Variants in CSMD2 observed in about 807,000 individuals in gnomAD.
The protein encoded by CSMD2 is CUB and sushi domain-containing protein 2.
In CSMD2, 130 loss-of-function variants were observed where a neutral mutation model predicts 398.5. The observed-to-expected ratio is 0.33, with a 90% confidence interval of 0.28 to 0.38. CSMD2 has a LOEUF of 0.38. Ranked by LOEUF, CSMD2 falls within the 10% of genes least tolerant of loss-of-function variation. The pLI is 1.00. For missense variants in CSMD2, 3,829 were observed against 4,764.9 expected, an observed-to-expected ratio of 0.80 and a Z score of 5.78; for synonymous variants, 1,828 against 1,908.5, an observed-to-expected ratio of 0.96 and a Z score of 1.10.
At chr1:33,885,991 G>A (rs1641567405) in intron 5 of CSMD2, among the ~76,000 whole-genome samples, 1 of 152,126 alleles carries the variant, frequency 6.6e-6, no homozygotes, top group South Asian at 2.1e-4. Context: ...GGTTAAGACA[G>A]ATTATGCATA....
At chr1:33,629,520 C>A (rs1642338483) in intron 32 of CSMD2, among the ~76,000 whole-genome samples, 1 of 152,164 alleles carries the variant, frequency 6.6e-6, no homozygotes, top group Admixed American at 6.5e-5. Context: ...AATATCATAA[C>A]TGTAATGGGA....
chr1:33,709,440 A>T lies in CSMD2; in HGVS notation c.3407-182T>A, dbSNP rs1645910695. On this transcript the variant is annotated intron_variant, in intron 21 of 70. Coordinates refer to ENST00000373381, the MANE Select transcript of CSMD2 (RefSeq NM_001281956.2). Reference sequence around the variant, plus strand: ...AAATGCCTCTCAAACTTAAAAAAAAAATACTTCCCTACCTATGGTGCTGCC... The same window carrying T: ...AAATGCCTCTCAAACTTAAAAAAAATATACTTCCCTACCTATGGTGCTGCC... 3 of 567,132 alleles carry T rather than the reference A, an allele frequency of 5.3e-6. No homozygotes were observed. The East Asian group carries it at 8.7e-5, about 16-fold the overall frequency. The allele number at this position is 567,132 out of a possible 1,614,324, so 35.1% of individuals were successfully genotyped here.
intron 1 of CSMD2, among the ~76,000 whole-genome samples, chr1:34,151,948 T>A (rs551702758): frequency 3.3e-5 from 5 of 152,022 alleles, no homozygotes; most frequent in Non-Finnish European, 7.4e-5. Context: ...GCTCAAGCCA[T>A]CCCCCGGCCT....
intron 4 of CSMD2, among the ~76,000 whole-genome samples, chr1:33,933,917 G>T (rs1006567351): frequency 6.6e-6 from 1 of 152,146 alleles, no homozygotes; most frequent in Admixed American, 6.5e-5. Flanking sequence ...TGGCAACTCA[G>T]ATTGATTGGC....
At chr1:33,590,981 CTTTT>C (rs11374822) in intron 44 of CSMD2, among the ~76,000 whole-genome samples, 5 of 67,186 alleles carry the variant, frequency 7.4e-5, no homozygotes, top group Admixed American at 2.1e-4. Flanking sequence ...TTTTATTTAT[CTTTT>C]TTTTTTTTTT....
At chr1:33,737,452 C>G (rs1184931554) in intron 15 of CSMD2, among the ~76,000 whole-genome samples, 1 of 152,186 alleles carries the variant, frequency 6.6e-6, no homozygotes, top group Non-Finnish European at 1.5e-5. Flanking sequence ...ATGGCCAACA[C>G]TTATTGAGTG....
chr1:33,610,620 A>G (rs1051803320), intron 41 of CSMD2, among the ~76,000 whole-genome samples: 2 of 152,186 alleles, frequency 1.3e-5, no homozygotes, highest in African/African-American at 4.8e-5. Flanking sequence ...GACTGTTACT[A>G]GAATCCTCCA....
chr1:34,142,362 G>GC (rs1639380795), intron 1 of CSMD2, among the ~76,000 whole-genome samples: 1 of 152,132 alleles, frequency 6.6e-6, no homozygotes, highest in Non-Finnish European at 1.5e-5. Context: ...GCTCTTCTCT[G>GC]CCCCCTCAGT....
intron 3 of CSMD2, among the ~76,000 whole-genome samples, chr1:33,955,489 C>T (rs1645138093): frequency 6.6e-6 from 1 of 152,114 alleles, no homozygotes. Flanking sequence ...CTCATTTAAC[C>T]CGGGTCATTA....
At chr1:34,134,200 T>C (rs2148506516) in intron 1 of CSMD2, among the ~76,000 whole-genome samples, 1 of 152,220 alleles carries the variant, frequency 6.6e-6, no homozygotes, top group East Asian at 1.9e-4. Flanking sequence ...AAACATCTGT[T>C]TGCCTGACAA....
At position 33,548,068 on chromosome 1, in the gene CSMD2, G is replaced by A. The variant is rs145988340; in HGVS notation, c.8918-1849C>T. 9.3e-3 allele frequency among the ~76,000 whole-genome samples: 1,415 copies of A among 152,276 alleles called. 26 individuals carry two copies. The highest frequency in any genetic ancestry group is 0.032 in the African/African-American group (1,332 of 41,534). ...CTTTGCTCTCCCTCTCCTGACAGCC[G>A]TGTGAAGATGTGCCTGCTTCCCCTT... On this transcript the variant is annotated intron_variant, in intron 56 of 70. Transcript: ENST00000373381.
intron 13 of CSMD2, among the ~76,000 whole-genome samples, chr1:33,766,989 T>C (rs1650591320): frequency 6.6e-6 from 1 of 152,222 alleles, no homozygotes; most frequent in Admixed American, 6.5e-5. Context: ...CCTGATCGGA[T>C]AATGTCAATT....
intron 10 of CSMD2, among the ~76,000 whole-genome samples, chr1:33,808,856 T>C (rs1340149003): frequency 6.6e-6 from 1 of 151,766 alleles, no homozygotes; most frequent in South Asian, 2.1e-4. Flanking sequence ...TAAAAAATGA[T>C]ACATATTAGA....
intron 11 of CSMD2, among the ~76,000 whole-genome samples, chr1:33,792,112 A>C (rs1398005001): frequency 6.6e-6 from 1 of 152,094 alleles, no homozygotes; most frequent in East Asian, 1.9e-4. Flanking sequence ...TGGCAGAATC[A>C]AGGTCTGCAT....
At chr1:33,618,681 T>C (rs1174239478) in intron 37 of CSMD2, among the ~76,000 whole-genome samples, 1 of 151,956 alleles carries the variant, frequency 6.6e-6, no homozygotes, top group Non-Finnish European at 1.5e-5. Flanking sequence ...CCAAGAGAAG[T>C]GCTCACTGAG....
At chr1:33,614,464 G>C in intron 40 of CSMD2, 40 bp downstream of exon 40, 1 of 1,188,534 alleles carries the variant, frequency 8.4e-7, no homozygotes, top group Non-Finnish European at 1.3e-6. Context: ...CAAGGGTCTG[G>C]GCTTGAAGCC....
At chr1:33,788,461 TCGTGCCACGGCACTCCAGCC>T in intron 12 of CSMD2, 119 bp downstream of exon 12, 1 of 586,288 alleles carries the variant, frequency 1.7e-6, no homozygotes, top group Admixed American at 3.0e-5. Flanking sequence ...TGAGCTAAGA[TCGTGCCACGGCACTCCAGCC>T]TGGGCAACAG....
intron 6 of CSMD2, among the ~76,000 whole-genome samples, chr1:33,833,600 G>T (rs1659869601): frequency 6.7e-6 from 1 of 148,682 alleles, no homozygotes; most frequent in Admixed American, 6.7e-5. Context: ...ACAAGACAGG[G>T]ATGCCCTCTC....
At chr1:33,947,044 T>C (rs979110457) in intron 3 of CSMD2, among the ~76,000 whole-genome samples, 21 of 152,298 alleles carry the variant, frequency 1.4e-4, no homozygotes, top group Non-Finnish European at 2.9e-4. Flanking sequence ...CACATCCCTG[T>C]CCAGCTGCAG....
Sources: allele counts gnomAD v4.1 joint callset (sites outside exome capture counted in the v4.1 genomes callset), GRCh38; gene constraint gnomAD v4.1.1; transcripts MANE v1.5; gene names NCBI Gene and HGNC (gene_info 2026-07-23, HGNC 2026-07-21).